Variants in RFX3 observed in about 807,000 individuals in gnomAD.
The protein encoded by RFX3 is regulatory factor X3, also known as transcription factor RFX3.
A neutral mutation model predicts 98.6 loss-of-function variants in RFX3; 14 were observed. The ratio of observed to expected loss-of-function variants is 0.14; its 90% CI spans 0.09 to 0.22. The LOEUF is 0.22. RFX3 is among the 10% of genes least tolerant of loss of function. The probability of loss-of-function intolerance (pLI) is 1.00; values close to 1 mark genes in which losing one functional copy is unlikely to be tolerated. For missense variants in RFX3, 639 were observed against 926.9 expected (o/e 0.69, Z 4.03); for synonymous variants, 383 against 328.4 (o/e 1.17, Z -1.80).
intron 1 of RFX3, among the ~76,000 whole-genome samples, chr9:3,478,404 T>C (rs1327080556): frequency 6.6e-6 from 1 of 150,972 alleles, no homozygotes. Flanking sequence ...AGTTCTCTGC[T>C]AGAACTTTTT....
At position 3,296,420 on chromosome 9, in the gene RFX3, C is replaced by A. The variant is rs148680630; in HGVS notation, c.550-3162G>T. Reference sequence around the variant, plus strand: ...AGGCCACTGAAATGGCTAGGTAAGTCAAAAAATCTGCACCGTTTTATAAAC... The same window carrying A: ...AGGCCACTGAAATGGCTAGGTAAGTAAAAAAATCTGCACCGTTTTATAAAC... On this transcript the variant is annotated intron_variant, in intron 5 of 16. Transcript: ENST00000617270. Among the ~76,000 whole-genome samples, 474 of 151,880 alleles carry A rather than the reference C, an allele frequency of 3.1e-3. 5 individuals carry two copies. Among genetic ancestry groups the A allele is most frequent in the African/African-American group, 0.011 (453 of 41,456 alleles).
At chr9:3,341,644 T>C (rs1253511732) in intron 3 of RFX3, among the ~76,000 whole-genome samples, 3 of 152,154 alleles carry the variant, frequency 2.0e-5, no homozygotes, top group East Asian at 3.8e-4. Context: ...TCAGCAAATA[T>C]AGATTGAGCA....
intron 2 of RFX3, among the ~76,000 whole-genome samples, chr9:3,389,560 A>T (rs1840070079): frequency 1.3e-5 from 2 of 152,156 alleles, no homozygotes; most frequent in South Asian, 2.1e-4. Flanking sequence ...AGCATTTCAG[A>T]TTGAGTATCC....
intron 16 of RFX3, among the ~76,000 whole-genome samples, chr9:3,226,578 A>G (rs1386676812): frequency 6.6e-6 from 1 of 152,168 alleles, no homozygotes; most frequent in Non-Finnish European, 1.5e-5. Flanking sequence ...CTCTTAGATG[A>G]GGCAAAAGAC....
intron 1 of RFX3, among the ~76,000 whole-genome samples, chr9:3,471,819 G>A (rs1848804298): frequency 6.6e-6 from 1 of 152,182 alleles, no homozygotes; most frequent in African/African-American, 2.4e-5. Context: ...CAGCAGTACT[G>A]CCTAGAATTC....
chr9:3,504,938 A>AT (rs1816731609), intron 1 of RFX3, among the ~76,000 whole-genome samples: 1 of 73,230 alleles, frequency 1.4e-5, no homozygotes, highest in African/African-American at 6.5e-5. Context: ...TATATATAAT[A>AT]TATATAATAT....
At chr9:3,320,759 G>A (rs1402732006) in intron 4 of RFX3, among the ~76,000 whole-genome samples, 1 of 109,562 alleles carries the variant, frequency 9.1e-6, no homozygotes, top group African/African-American at 3.7e-5. Context: ...TATAATGCAT[G>A]CTACATAGCA....
chr9:3,319,151 C>G (rs557714461), intron 4 of RFX3, among the ~76,000 whole-genome samples: 17 of 152,336 alleles, frequency 1.1e-4, no homozygotes, highest in Middle Eastern at 3.4e-3. Context: ...TGTAGTTAGT[C>G]TCCGTAATCA....
At chr9:3,505,243 T>A (rs1302865973) in intron 1 of RFX3, among the ~76,000 whole-genome samples, 5 of 73,648 alleles carry the variant, frequency 6.8e-5, no homozygotes, top group African/African-American at 3.7e-4. Flanking sequence ...TATATATTTA[T>A]ATATATATGA....
intron 2 of RFX3, chr9:3,394,789 C>T: frequency 1.0e-6 from 1 of 974,340 alleles, no homozygotes; most frequent in Non-Finnish European, 1.2e-6. Flanking sequence ...TCTCACCACT[C>T]TTTAGAAGAA....
At chr9:3,349,265 A>T (rs1247016528) in intron 2 of RFX3, among the ~76,000 whole-genome samples, 1 of 152,026 alleles carries the variant, frequency 6.6e-6, no homozygotes, top group Non-Finnish European at 1.5e-5. Flanking sequence ...CAAAATAAAA[A>T]TATCATATTA....
chr9:3,514,447 G>T (rs150074593), intron 1 of RFX3, among the ~76,000 whole-genome samples: 1 of 151,272 alleles, frequency 6.6e-6, no homozygotes, highest in African/African-American at 2.5e-5. Context: ...GTTGTGTTTT[G>T]TTTTGTTTTG....
chr9:3,479,335 C>G (rs779559369), intron 1 of RFX3, among the ~76,000 whole-genome samples: 1 of 151,992 alleles, frequency 6.6e-6, no homozygotes, highest in Non-Finnish European at 1.5e-5. Flanking sequence ...TGATCAAGTT[C>G]TGTAATATTC....
At chr9:3,469,358 T>C (rs1848580520) in intron 1 of RFX3, among the ~76,000 whole-genome samples, 1 of 152,196 alleles carries the variant, frequency 6.6e-6, no homozygotes, top group Non-Finnish European at 1.5e-5. Flanking sequence ...TACTTCGTTC[T>C]GAATTTTCTT....
At chr9:3,264,772 G>GA (rs1348615887) in intron 12 of RFX3, among the ~76,000 whole-genome samples, 9 of 152,178 alleles carry the variant, frequency 5.9e-5, no homozygotes, top group African/African-American at 2.2e-4. Context: ...ATGTGGAGAG[G>GA]AAAAAAGACT....
At chr9:3,226,061 T>C (rs375118850) in intron 16 of RFX3, among the ~76,000 whole-genome samples, 14 of 152,286 alleles carry the variant, frequency 9.2e-5, no homozygotes, top group East Asian at 5.8e-4. Context: ...GTATGCACTG[T>C]TAAAATTCAA....
intron 4 of RFX3, among the ~76,000 whole-genome samples, chr9:3,327,609 A>G (rs1832070207): frequency 6.6e-6 from 1 of 151,948 alleles, no homozygotes; most frequent in Non-Finnish European, 1.5e-5. Flanking sequence ...TTCTTATTTA[A>G]AAAAACGCAA....
Position 3,330,327 on chromosome 9 carries a change from G to T in RFX3, c.406C>A (p.Leu136Met). The T allele has an allele frequency of 6.2e-7, 1 of 1,614,140 alleles. No individual in the cohort carries two copies. The highest frequency in any genetic ancestry group is 1.3e-5 in the African/African-American group (1 of 75,058). The change falls in exon 4 of 17, where the codon CTG (leucine) becomes ATG (methionine). Residue 136 changes from leucine to methionine, a missense_variant. Leu to Met is a conservative substitution (Grantham distance 15). Around this residue, in one of 9 missense-constraint regions of RFX3, gnomAD observed 210 missense variants for 197.7 expected, o/e 1.06. Transcript: ENST00000617270. Reference sequence around the variant, plus strand: ...GAATTCTCCATTGAGTTGCCGATCAGATAGGTTCCTCCAGAGCTGCTGATG... The same window carrying T: ...GAATTCTCCATTGAGTTGCCGATCATATAGGTTCCTCCAGAGCTGCTGATG... ...QLISSSGGTY[L>M]IGNSMENSGH...
chr9:3,239,049 A>T (rs932890393), intron 15 of RFX3, among the ~76,000 whole-genome samples: 18 of 152,090 alleles, frequency 1.2e-4, no homozygotes, highest in African/African-American at 4.3e-4. Flanking sequence ...AAAGGTAGGT[A>T]ATGGCAGCTA....
Sources: allele counts gnomAD v4.1 joint callset (sites outside exome capture counted in the v4.1 genomes callset), GRCh38; gene constraint gnomAD v4.1.1; regional missense constraint gnomAD v4.1.1; transcripts MANE v1.5; gene names NCBI Gene and HGNC (gene_info 2026-07-23, HGNC 2026-07-21).